The following MCCC1 variants were observed in gnomAD, a reference collection of about 807,000 sequenced individuals.
MCCC1 encodes the protein methylcrotonyl-CoA carboxylase subunit 1, also known as methylcrotonoyl-CoA carboxylase subunit alpha, mitochondrial.
MCCC1 carries 64 observed loss-of-function variants against 83.8 expected under a neutral mutation model. That is an observed-to-expected ratio of 0.76 (90% CI 0.62 to 0.94). The LOEUF (loss-of-function observed/expected upper bound fraction) is 0.94. Among genes scored for constraint, MCCC1 ranks in the 40% least tolerant of loss-of-function variants. The pLI is 0.00. For missense variants in MCCC1, 807 were observed against 904.7 expected (o/e 0.89, Z 1.39); for synonymous variants, 322 against 315.4 (o/e 1.02, Z -0.22).
At chr3:183,089,758 GA>G (rs1718179839) in intron 3 of MCCC1, among the ~76,000 whole-genome samples, 1 of 152,130 alleles carries the variant, frequency 6.6e-6, no homozygotes, top group Non-Finnish European at 1.5e-5. Context: ...GGAAAGAAGA[GA>G]GAAAAATGCT....
chr3:183,106,274 T>G (rs1719402140), intron 1 of MCCC1, among the ~76,000 whole-genome samples: 1 of 152,166 alleles, frequency 6.6e-6, no homozygotes, highest in Admixed American at 6.5e-5. Context: ...CCTCATGTTT[T>G]CCTTTAAAAA....
intron 7 of MCCC1, among the ~76,000 whole-genome samples, chr3:183,066,795 T>A (rs1267675353): frequency 3.3e-5 from 5 of 152,254 alleles, no homozygotes. Flanking sequence ...TCTGAAGTAA[T>A]CTTTTTTGAC....
intron 4 of MCCC1, among the ~76,000 whole-genome samples, chr3:183,082,658 A>T (rs141786506): frequency 1.3e-5 from 2 of 152,322 alleles, no homozygotes; most frequent in East Asian, 3.9e-4. Context: ...TCCCAACCAG[A>T]GAAGACTGAA....
Position 183,091,660 on chromosome 3 carries a change from A to C in MCCC1, c.273+749T>G, listed in dbSNP as rs77520222. Reference sequence around the variant, plus strand: ...AAACTTCAGGGAGTTGGGTCTTATTAGTTATAATTTTACAGATGAAGCAAG... The same window carrying C: ...AAACTTCAGGGAGTTGGGTCTTATTCGTTATAATTTTACAGATGAAGCAAG... On this transcript the variant is annotated intron_variant, in intron 3 of 18. Coordinates refer to ENST00000265594, the MANE Select transcript of MCCC1 (RefSeq NM_020166.5). 5.8e-3 allele frequency among the ~76,000 whole-genome samples: 878 copies of C among 152,340 alleles called. 10 individuals are homozygous for C. Among genetic ancestry groups the C allele is most frequent in the African/African-American group, 0.02 (821 of 41,584 alleles).
rs771302606 is a variant in MCCC1, at chr3:183,086,890, T to A, written c.274-102A>T. 20 of 1,030,298 alleles carry A rather than the reference T, an allele frequency of 1.9e-5. No individual in the cohort carries two copies. The African/African-American group carries it at 2.2e-4, about 11-fold the overall frequency. The allele number at this position is 1,030,298 out of a possible 1,614,324, so 63.8% of individuals were successfully genotyped here. On this transcript the variant is annotated intron_variant, in intron 3 of 18. Coordinates refer to ENST00000265594, the MANE Select transcript of MCCC1 (RefSeq NM_020166.5). The stretch of plus-strand genomic sequence containing the variant: ...GTCATTTTATTATTGTAAATAAAAA[T>A]GCCACTCCCTCAAGAACAGTGCAAG...
intron 5 of MCCC1, among the ~76,000 whole-genome samples, chr3:183,072,025 T>C (rs1180645904): frequency 1.3e-5 from 2 of 151,900 alleles, no homozygotes; most frequent in Non-Finnish European, 2.9e-5. Context: ...CGTGCCACCA[T>C]GCCTGGAATT....
At chr3:183,067,824 G>C (rs1292447557) in intron 7 of MCCC1, among the ~76,000 whole-genome samples, 1 of 152,172 alleles carries the variant, frequency 6.6e-6, no homozygotes, top group African/African-American at 2.4e-5. Flanking sequence ...TTGCTCTACT[G>C]TTGTGGAATA....
intron 1 of MCCC1, among the ~76,000 whole-genome samples, chr3:183,110,669 C>T (rs1314435492): frequency 6.6e-6 from 1 of 151,858 alleles, no homozygotes; most frequent in African/African-American, 2.4e-5. Context: ...GATGGGATTA[C>T]AGGCGTAAGC....
At chr3:183,099,265 G>T (rs370941791) in intron 1 of MCCC1, 87 bp downstream of exon 1, 1 of 1,472,292 alleles carries the variant, frequency 6.8e-7, no homozygotes, top group Non-Finnish European at 9.2e-7. Flanking sequence ...ACCGACCCTG[G>T]GTTCCGCCGC....
chr3:183,017,331 C>A lies in MCCC1; in HGVS notation c.1984G>T (p.Val662Phe), dbSNP rs1043492520. 3.1e-6 allele frequency: 5 copies of A among 1,613,696 alleles called. No individual in the cohort carries two copies. The highest frequency in any genetic ancestry group is 4.2e-6 in the Non-Finnish European group (5 of 1,180,014). The change falls in exon 18 of 19, where the codon GTC (valine) becomes TTC (phenylalanine). Residue 662 changes from valine to phenylalanine, a missense_variant. Val to Phe is a conservative substitution (Grantham distance 50). Coordinates refer to ENST00000265594, the MANE Select transcript of MCCC1 (RefSeq NM_020166.5). Reference protein sequence around the residue: ...PMTGTIEKVFVKAGDKVKAGD... With the variant: ...PMTGTIEKVFFKAGDKVKAGD... ...GCTTTCACTTTGTCTCCAGCTTTGACAAACACCTTGAGATTCAGTGTGACA... is the reference window on the plus strand; with the variant it reads ...GCTTTCACTTTGTCTCCAGCTTTGAAAAACACCTTGAGATTCAGTGTGACA...
chr3:183,040,556 CAA>C (rs59767617), intron 11 of MCCC1, among the ~76,000 whole-genome samples: 67 of 112,576 alleles, frequency 6.0e-4, no homozygotes, highest in Non-Finnish European at 8.2e-4. Context: ...ACTAAAAATA[CAA>C]AAAAAAAAAA....
intron 1 of MCCC1, among the ~76,000 whole-genome samples, chr3:183,106,324 C>A (rs1719403112): frequency 2.6e-5 from 4 of 152,046 alleles, no homozygotes; most frequent in Admixed American, 2.0e-4. Context: ...AAATAAATAT[C>A]TTTTTCTTTT....
chr3:183,056,245 G>A lies in MCCC1; in HGVS notation c.873+1066C>T, dbSNP rs143890075. ...TGTTATAATATATTCTACAACATAA[G>A]TTAAATATATTCTGCAACATAAATT... On this transcript the variant is annotated intron_variant, in intron 8 of 18. Coordinates refer to ENST00000265594, the MANE Select transcript of MCCC1 (RefSeq NM_020166.5). Among the ~76,000 whole-genome samples, 574 of 151,906 alleles carry A rather than the reference G, an allele frequency of 3.8e-3. 9 individuals are homozygous for A. The highest frequency in any genetic ancestry group is 4.0e-3 in the Non-Finnish European group (270 of 67,990).
intron 4 of MCCC1, among the ~76,000 whole-genome samples, chr3:183,077,518 G>A (rs1717165794): frequency 6.6e-6 from 1 of 151,928 alleles, no homozygotes; most frequent in African/African-American, 2.4e-5. Context: ...TGGGCTTTCT[G>A]GTCATTTGTA....
intron 3 of MCCC1, among the ~76,000 whole-genome samples, chr3:183,091,867 T>C (rs988536390): frequency 2.6e-5 from 4 of 152,054 alleles, no homozygotes; most frequent in Non-Finnish European, 5.9e-5. Flanking sequence ...TGAAAACCTG[T>C]CTCTACTAAA....
chr3:183,071,718 T>TTTA (rs10692178), intron 5 of MCCC1, among the ~76,000 whole-genome samples: 2 of 149,844 alleles, frequency 1.3e-5, no homozygotes. Flanking sequence ...TTTTTTTTTT[T>TTTA]AGAGACAGGG....
intron 1 of MCCC1, among the ~76,000 whole-genome samples, chr3:183,109,533 C>A (rs1240121549): frequency 6.6e-6 from 1 of 152,186 alleles, no homozygotes; most frequent in African/African-American, 2.4e-5. Context: ...CATGTTAATT[C>A]GCTTAGGATA....
rs370461286 is a variant in MCCC1 at position 183,070,533 on chromosome 3, G to C, written c.761+466C>G. On this transcript the variant is annotated intron_variant, in intron 7 of 18. Transcript: ENST00000265594. ...GTGGATCACGAGGTCAGGAGTTTGA[G>C]ACCTGCCTGACCAACATGGGAAAAC... Among the ~76,000 whole-genome samples the C allele has an allele frequency of 2.0e-4, 31 of 152,254 alleles. No individual in the cohort carries two copies. In the South Asian group the frequency reaches 2.1e-3, roughly 10 times the overall value.
At chr3:183,107,931 G>A (rs573678794) in intron 1 of MCCC1, among the ~76,000 whole-genome samples, 1 of 152,114 alleles carries the variant, frequency 6.6e-6, no homozygotes, top group Non-Finnish European at 1.5e-5. Flanking sequence ...CAATATCCTT[G>A]AATTTGGGTT....
Sources: allele counts gnomAD v4.1 joint callset (sites outside exome capture counted in the v4.1 genomes callset), GRCh38; gene constraint gnomAD v4.1.1; transcripts MANE v1.5; gene names NCBI Gene and HGNC (gene_info 2026-07-23, HGNC 2026-07-21).